The following ERBIN variants were observed in gnomAD, a reference collection of about 807,000 sequenced individuals.
ERBIN encodes the protein erbb2 interacting protein.
A neutral mutation model predicts 158.4 loss-of-function variants in ERBIN; 60 were observed. The observed-to-expected ratio is 0.38, with a 90% CI of 0.31 to 0.47. ERBIN has a LOEUF of 0.47. ERBIN is among the 20% of genes least tolerant of loss of function. The pLI is 0.99. For synonymous variants in ERBIN, 594 were observed against 557.2 expected (o/e 1.07, Z -0.93); for missense variants, 1,610 against 1,648.0 (o/e 0.98, Z 0.40).
chr5:65,968,859 C>CCT (rs1748951711), intron 1 of ERBIN, among the ~76,000 whole-genome samples: 2 of 152,174 alleles, frequency 1.3e-5, no homozygotes, highest in African/African-American at 4.8e-5. Context: ...CTGCGCCTGG[C>CCT]CTATTGCTTT....
chr5:66,018,637 T>A lies in ERBIN; in HGVS notation c.534-2685T>A, dbSNP rs28762188. ...ACACACACACATATAGATTTTTTTTTATTTATTTTTTGTGTGTGTGATGAA... is the reference window on the plus strand; with the variant it reads ...ACACACACACATATAGATTTTTTTTAATTTATTTTTTGTGTGTGTGATGAA... On this transcript the variant is annotated intron_variant, in intron 7 of 25. Transcript: ENST00000284037. Among the ~76,000 whole-genome samples, 106 of 110,948 alleles carry A rather than the reference T, an allele frequency of 9.6e-4. 6 individuals carry two copies. Among genetic ancestry groups the A allele is most frequent in the African/African-American group, 3.2e-3 (93 of 28,762 alleles). The allele number at this position is 110,948 out of a possible 152,430, so 72.8% of individuals were successfully genotyped here.
chr5:65,989,570 A>G (rs990326724), intron 2 of ERBIN, among the ~76,000 whole-genome samples: 2 of 152,162 alleles, frequency 1.3e-5, no homozygotes, highest in African/African-American at 4.8e-5. Context: ...TGTCTGCAAC[A>G]TGATTAGCTC....
chr5:65,951,382 A>G (rs7701259), intron 1 of ERBIN, among the ~76,000 whole-genome samples: 6,108 of 152,268 alleles, frequency 0.04, 416 homozygotes, highest in African/African-American at 0.14. Context: ...TAAGTGCTCA[A>G]TAAGTATTAT....
chr5:66,018,562 ATATATTATATTATAT>A lies in ERBIN; in HGVS notation c.534-2759_534-2745del, dbSNP rs1755248128. Among the ~76,000 whole-genome samples the A allele has an allele frequency of 1.5e-4, 2 of 13,038 alleles. 1 individual carries two copies. The highest frequency in any genetic ancestry group is 3.7e-4 in the Non-Finnish European group (2 of 5,378). The allele number at this position is 13,038 out of a possible 152,430, so 8.6% of individuals were successfully genotyped here. A position where few individuals can be genotyped will look rare whatever the true frequency, so the allele number is the denominator to read the frequency against. ...TAATATATATTATATATTATATAAT[ATATATTATATTATAT>A]AATATATATTATATAATATATATTA... On this transcript the variant is annotated intron_variant, in intron 7 of 25. Transcript: ENST00000284037.
At chr5:66,035,331 T>C (rs1757293069) in intron 14 of ERBIN, among the ~76,000 whole-genome samples, 1 of 152,178 alleles carries the variant, frequency 6.6e-6, no homozygotes, top group South Asian at 2.1e-4. Context: ...TATACCACGT[T>C]CTGCCCCAAA....
chr5:65,934,216 A>G (rs192535929), intron 1 of ERBIN, among the ~76,000 whole-genome samples: 54 of 152,276 alleles, frequency 3.5e-4, no homozygotes, highest in Non-Finnish European at 6.3e-4. Context: ...AAATATTTTA[A>G]TGTTTATTTC....
rs769168464 is a variant in ERBIN, at chr5:66,025,543, C to G, written c.881C>G (p.Ser294Cys). Residue 294 changes from serine (S) to cysteine (C), a missense_variant, in exon 11 of 26, where the codon TCT becomes TGT. Physicochemically the swap from Ser to Cys is moderately radical, Grantham distance 112. Coordinates refer to ENST00000284037, the MANE Select transcript of ERBIN (RefSeq NM_001253697.2). ...AACCAGTTAATGTATCTGCCAGACT[C>G]TATAGGAGGGTAAGTTTTTTGTGAA... ...DENQLMYLPD[S>C]IGGLISVEEL... 7 of 1,611,222 alleles carry G rather than the reference C, an allele frequency of 4.3e-6. No individual in the cohort carries two copies. The South Asian group carries it at 5.5e-5, about 13-fold the overall frequency.
At chr5:65,935,028 C>A (rs78326220) in intron 1 of ERBIN, among the ~76,000 whole-genome samples, 4,655 of 152,172 alleles carry the variant, frequency 0.031, 272 homozygotes, top group Admixed American at 0.15. Flanking sequence ...AAGCCAAGAT[C>A]TGGGGCTTGT....
At chr5:66,059,875 C>T (rs1365444957) in intron 21 of ERBIN, among the ~76,000 whole-genome samples, 1 of 152,090 alleles carries the variant, frequency 6.6e-6, no homozygotes, top group East Asian at 1.9e-4. Context: ...GCCTTGCATC[C>T]CAGGGATGAA....
intron 4 of ERBIN, among the ~76,000 whole-genome samples, chr5:66,010,101 T>C (rs1391521535): frequency 1.3e-5 from 2 of 152,250 alleles, no homozygotes; most frequent in East Asian, 3.8e-4. Flanking sequence ...CTTGTTACTT[T>C]CGCGTATTGC....
intron 1 of ERBIN, among the ~76,000 whole-genome samples, chr5:65,953,251 A>C (rs190089019): frequency 3.9e-5 from 6 of 152,362 alleles, no homozygotes; most frequent in Non-Finnish European, 5.9e-5. Context: ...TACACAGTCT[A>C]GTTGGTATAG....
At chr5:66,012,255 G>T in intron 5 of ERBIN, 128 bp downstream of exon 5, 1 of 563,482 alleles carries the variant, frequency 1.8e-6, no homozygotes, top group Non-Finnish European at 3.1e-6. Context: ...TTCAATTTTA[G>T]AGTTAAAAAG....
At chr5:65,985,369 C>T (rs371668125) in intron 1 of ERBIN, among the ~76,000 whole-genome samples, 1 of 152,198 alleles carries the variant, frequency 6.6e-6, no homozygotes, top group South Asian at 2.1e-4. Flanking sequence ...GGATTACAGG[C>T]GTGAGCCACC....
chr5:66,077,095 G>A (rs976923207), intron 25 of ERBIN, 146 bp downstream of exon 25: 18 of 532,894 alleles, frequency 3.4e-5, no homozygotes, highest in African/African-American at 2.2e-4. Flanking sequence ...CACTTGCAGC[G>A]AGCCGAGATC....
chr5:65,955,486 T>C (rs577292206), intron 1 of ERBIN, among the ~76,000 whole-genome samples: 1 of 151,986 alleles, frequency 6.6e-6, no homozygotes, highest in South Asian at 2.1e-4. Flanking sequence ...AAAAATTAGC[T>C]GGGCATGGTG....
chr5:65,955,405 G>A (rs10074322), intron 1 of ERBIN, among the ~76,000 whole-genome samples: 2,591 of 152,214 alleles, frequency 0.017, 73 homozygotes, highest in African/African-American at 0.06. Flanking sequence ...CGAGGTGTGC[G>A]GATCACTTGA....
chr5:65,935,751 G>A (rs767012973), intron 1 of ERBIN, among the ~76,000 whole-genome samples: 32 of 152,194 alleles, frequency 2.1e-4, no homozygotes, highest in Middle Eastern at 3.4e-3. Flanking sequence ...TTGGAGAAGG[G>A]TCTCGCTCTG....
chr5:66,072,848 T>G (rs937182687), intron 22 of ERBIN, among the ~76,000 whole-genome samples: 1 of 152,158 alleles, frequency 6.6e-6, no homozygotes, highest in African/African-American at 2.4e-5. Flanking sequence ...TCTTAACTGA[T>G]TCCATGCCTC....
In ERBIN at chr5:66,075,138, A is replaced by G; in HGVS notation, c.3871A>G (p.Ile1291Val). Residue 1291 changes from isoleucine (I) to valine (V), a missense_variant, in exon 23 of 26, where the codon ATT becomes GTT. Around this residue, in one of 2 missense-constraint regions of ERBIN, gnomAD observed 1,014 missense variants for 936.1 expected, o/e 1.08. Transcript: ENST00000284037. ...VARHPSREQL[I>V]DYLMLKVAHQ... ...AAGGCATCCCTCTAGAGAACAACTA[A>G]TTGATTACTTGATGCTGAAAGTGGC... The G allele has an allele frequency of 6.2e-7, 1 of 1,614,194 alleles. No individual in the cohort carries two copies. The highest frequency in any genetic ancestry group is 1.1e-5 in the South Asian group (1 of 91,082).
Sources: allele counts gnomAD v4.1 joint callset (sites outside exome capture counted in the v4.1 genomes callset), GRCh38; gene constraint gnomAD v4.1.1; regional missense constraint gnomAD v4.1.1; transcripts MANE v1.5; gene names NCBI Gene and HGNC (gene_info 2026-07-23, HGNC 2026-07-21).